The following PDZD8 variants were observed in gnomAD, a reference collection of about 807,000 sequenced individuals.
The protein encoded by PDZD8 is PDZ domain containing 8.
In PDZD8, 14 loss-of-function variants were observed where a neutral mutation model predicts 85.8. That is an observed-to-expected ratio of 0.16 (90% CI 0.11 to 0.26). The LOEUF (loss-of-function observed/expected upper bound fraction) is 0.26. PDZD8 is among the 10% of genes least tolerant of loss of function. PDZD8 has a pLI of 1.00. For missense variants in PDZD8, 1,197 were observed against 1,424.3 expected, an observed-to-expected ratio of 0.84 and a Z score of 2.57; for synonymous variants, 592 against 568.6, an observed-to-expected ratio of 1.04 and a Z score of -0.59.
chr10:117,308,373 T>G (rs1029900040), intron 3 of PDZD8, among the ~76,000 whole-genome samples: 6 of 151,536 alleles, frequency 4.0e-5, no homozygotes, highest in Non-Finnish European at 5.9e-5. Flanking sequence ...CAAGAAAAAA[T>G]AAACAAATAA....
chr10:117,335,566 T>A (rs933342095), intron 2 of PDZD8, among the ~76,000 whole-genome samples: 1 of 152,226 alleles, frequency 6.6e-6, no homozygotes, highest in Non-Finnish European at 1.5e-5. Context: ...CAGAAGCATG[T>A]TAATACTCTA....
chr10:117,321,083 T>C (rs767778312), intron 2 of PDZD8, among the ~76,000 whole-genome samples: 2 of 152,136 alleles, frequency 1.3e-5, no homozygotes, highest in Admixed American at 6.6e-5. Context: ...GAAAACAATT[T>C]GACAGTTACC....
chr10:117,336,956 G>A (rs1844525997), intron 2 of PDZD8, among the ~76,000 whole-genome samples: 2 of 152,088 alleles, frequency 1.3e-5, no homozygotes, highest in South Asian at 4.2e-4. Flanking sequence ...GGGCATGGTG[G>A]TGGGCGCCTG....
chr10:117,294,619 G>C (rs1843725284), intron 3 of PDZD8, among the ~76,000 whole-genome samples: 1 of 152,128 alleles, frequency 6.6e-6, no homozygotes, highest in Non-Finnish European at 1.5e-5. Context: ...TCCATCAATG[G>C]ATAAATGGAT....
intron 1 of PDZD8, among the ~76,000 whole-genome samples, chr10:117,354,521 G>A (rs921051502): frequency 1.3e-5 from 2 of 152,014 alleles, no homozygotes; most frequent in Non-Finnish European, 2.9e-5. Flanking sequence ...TATGTCTAAA[G>A]CTAAACTATT....
At position 117,285,443 on chromosome 10, in the gene PDZD8, C is replaced by T. The variant is rs747033800; in HGVS notation, c.1290G>A (p.Val430=). The change falls in exon 5 of 5, where the codon GTG becomes GTA. Residue 430 remains valine (V), a synonymous_variant. Coordinates refer to ENST00000334464, the MANE Select transcript of PDZD8 (RefSeq NM_173791.5). ...CACCAGCCTGCTTGATAAGCTTCAA[C>T]ACTTGCAGTGTTGATGTGATTTTCA... is the stretch of plus-strand genomic sequence containing the variant. ...GGVKITSTLQ[V]LKLIKQAGDR... is the part of the protein sequence containing the mutation. 6.2e-7 allele frequency: 1 copy of T among 1,607,686 alleles called. No homozygotes were observed. Among genetic ancestry groups the T allele is most frequent in the African/African-American group, 1.3e-5 (1 of 74,918 alleles).
chr10:117,315,587 C>CAAAAA (rs35866840), intron 3 of PDZD8, among the ~76,000 whole-genome samples: 12 of 42,090 alleles, frequency 2.9e-4, no homozygotes, highest in African/African-American at 5.6e-4. Flanking sequence ...TAGACTCTCT[C>CAAAAA]AAAAAAAAAA....
intron 2 of PDZD8, among the ~76,000 whole-genome samples, chr10:117,326,785 C>G (rs1024863957): frequency 2.0e-5 from 3 of 152,160 alleles, no homozygotes; most frequent in African/African-American, 4.8e-5. Flanking sequence ...GAATTTCTAC[C>G]TACTAGCTGA....
chr10:117,319,764 A>C (rs538710608), intron 2 of PDZD8, among the ~76,000 whole-genome samples: 1 of 152,102 alleles, frequency 6.6e-6, no homozygotes, highest in African/African-American at 2.4e-5. Flanking sequence ...AAGGTTACTC[A>C]TGGGTCCAAC....
At chr10:117,329,348 G>A (rs1844375703) in intron 2 of PDZD8, among the ~76,000 whole-genome samples, 2 of 152,224 alleles carry the variant, frequency 1.3e-5, no homozygotes, top group South Asian at 4.1e-4. Flanking sequence ...TTCTTACCAA[G>A]TTCAAAGTAT....
chr10:117,313,780 G>T (rs960581626), intron 3 of PDZD8, among the ~76,000 whole-genome samples: 18 of 151,778 alleles, frequency 1.2e-4, no homozygotes, highest in African/African-American at 3.9e-4. Flanking sequence ...AGTCTTTCCT[G>T]AATTCAACTG....
At chr10:117,325,961 A>T (rs1025396401) in intron 2 of PDZD8, among the ~76,000 whole-genome samples, 1 of 152,016 alleles carries the variant, frequency 6.6e-6, no homozygotes, top group African/African-American at 2.4e-5. Flanking sequence ...AGTGAGTGAG[A>T]CTCACAAGAT....
At chr10:117,323,164 T>A (rs1242259536) in intron 2 of PDZD8, among the ~76,000 whole-genome samples, 1 of 152,202 alleles carries the variant, frequency 6.6e-6, no homozygotes, top group Non-Finnish European at 1.5e-5. Context: ...CTAAGAAATG[T>A]ACTTGAATCC....
At position 117,341,091 on chromosome 10, in the gene PDZD8, A is replaced by C. The variant is rs1194376830; in HGVS notation, c.884T>G (p.Phe295Cys). ...TCCTTGCAAGGTCTGGTATGGAAAA[A>C]ACGGCTTAAACCTGACAAAAGTAAA... ...LPNYKIRFKPFFPYQTLQGFE... is the reference protein window; with the variant it reads ...LPNYKIRFKPCFPYQTLQGFE... Residue 295 changes from phenylalanine to cysteine, a missense_variant, in exon 2 of 5, where the codon TTT becomes TGT. Phe to Cys is a radical substitution (Grantham distance 205, BLOSUM62 -2). Around this residue, in one of 4 missense-constraint regions of PDZD8, gnomAD observed 344 missense variants for 453.6 expected, o/e 0.76. Transcript: ENST00000334464. 1 of 1,613,430 alleles carries C rather than the reference A, an allele frequency of 6.2e-7. No individual in the cohort carries two copies. Among genetic ancestry groups the C allele is most frequent in the Non-Finnish European group, 8.5e-7 (1 of 1,179,432 alleles).
chr10:117,290,935 T>A (rs575046648), intron 3 of PDZD8, among the ~76,000 whole-genome samples: 22 of 141,642 alleles, frequency 1.6e-4, no homozygotes, highest in Non-Finnish European at 3.3e-4. Flanking sequence ...AGTGGCACAA[T>A]CCTGGCTCAC....
At chr10:117,288,883 G>A (rs376585780) in intron 4 of PDZD8, among the ~76,000 whole-genome samples, 7 of 152,058 alleles carry the variant, frequency 4.6e-5, no homozygotes, top group African/African-American at 1.2e-4. Context: ...CATTTATATC[G>A]CTTAGGTTAA....
chr10:117,346,017 G>A (rs1277776733), intron 1 of PDZD8, among the ~76,000 whole-genome samples: 1 of 152,080 alleles, frequency 6.6e-6, no homozygotes, highest in South Asian at 2.1e-4. Flanking sequence ...GAGGCGGGCA[G>A]ATCACCTGAG....
intron 3 of PDZD8, among the ~76,000 whole-genome samples, chr10:117,290,843 C>T (rs570664173): frequency 3.1e-4 from 46 of 149,270 alleles, no homozygotes; most frequent in African/African-American, 1.1e-3. Flanking sequence ...GCTTTGGAAA[C>T]TCCATTTTGT....
chr10:117,337,536 C>A (rs920261946), intron 2 of PDZD8, among the ~76,000 whole-genome samples: 2 of 152,136 alleles, frequency 1.3e-5, no homozygotes, highest in African/African-American at 4.8e-5. Context: ...AAATGCGAAA[C>A]AGTATTTCAG....
Sources: allele counts gnomAD v4.1 joint callset (sites outside exome capture counted in the v4.1 genomes callset), GRCh38; gene constraint gnomAD v4.1.1; regional missense constraint gnomAD v4.1.1; transcripts MANE v1.5; gene names NCBI Gene and HGNC (gene_info 2026-07-23, HGNC 2026-07-21).